Variants in IPO9 observed in about 807,000 individuals in gnomAD.
The protein encoded by IPO9 is importin 9.
A neutral mutation model predicts 128.6 loss-of-function variants in IPO9; 28 were observed. The ratio of observed to expected loss-of-function variants is 0.22; its 90% CI spans 0.16 to 0.30. IPO9 has a LOEUF of 0.30. Among genes scored for constraint, IPO9 ranks in the 10% least tolerant of loss-of-function variants. The pLI is 1.00. For missense variants in IPO9, 935 were observed against 1,293.9 expected (o/e 0.72, Z 4.26); for synonymous variants, 455 against 475.8 (o/e 0.96, Z 0.57).
intron 6 of IPO9, among the ~76,000 whole-genome samples, chr1:201,854,242 A>G (rs757483040): frequency 7.2e-5 from 11 of 152,190 alleles, no homozygotes; most frequent in Admixed American, 1.3e-4. Flanking sequence ...ACCTTATCCT[A>G]TATCCTTTTC....
Position 201,847,323 on chromosome 1 carries a change from G to T in IPO9, c.208G>T (p.Ala70Ser), listed in dbSNP as rs763999143. Residue 70 changes from alanine (A) to serine (S), a missense_variant, in exon 2 of 24, where the codon GCA (alanine) becomes TCA (serine). Physicochemically the swap from Ala to Ser is moderately conservative, Grantham distance 99. Around this residue, in one of 3 missense-constraint regions of IPO9, gnomAD observed 741 missense variants for 1,019.1 expected, o/e 0.73. Transcript: ENST00000361565. ...AGAACTGACTGTAGATCCCCAGGGG[G>T]CACTGGCAATCCGTCAGGTAAGTCC... ...LAELTVDPQG[A>S]LAIRQLASVI... 1.2e-6 allele frequency: 2 copies of T among 1,613,904 alleles called. No individual in the cohort carries two copies. The highest frequency in any genetic ancestry group is 1.7e-6 in the Non-Finnish European group (2 of 1,179,854).
At chr1:201,831,887 TG>T (rs1679840093) in intron 1 of IPO9, among the ~76,000 whole-genome samples, 2 of 124,146 alleles carry the variant, frequency 1.6e-5, no homozygotes, top group African/African-American at 7.1e-5. Context: ...TTTTTGCTTT[TG>T]TTGTTGTTGT....
At chr1:201,875,361 G>A (rs545921220) in intron 23 of IPO9, 133 bp downstream of exon 23, 209 of 784,740 alleles carry the variant, frequency 2.7e-4, no homozygotes, top group Admixed American at 1.7e-3. Context: ...AGGTCAAGGC[G>A]GGAGGATTGC....
chr1:201,837,674 A>G (rs1679963324), intron 1 of IPO9, among the ~76,000 whole-genome samples: 1 of 152,304 alleles, frequency 6.6e-6, no homozygotes, highest in Admixed American at 6.5e-5. Flanking sequence ...ATCTTGTTTT[A>G]GTTTGTCCCT....
chr1:201,859,005 G>T lies in IPO9; in HGVS notation c.1468+11G>T, dbSNP rs372341056. On this transcript the variant is annotated intron_variant, in intron 13 of 23. Transcript: ENST00000361565. ...ACCTCAACCTCTCAGGTATGTTTCA[G>T]CACGTGCCAGGATTCTAGAAACTCT... is the stretch of plus-strand genomic sequence containing the variant. The T allele has an allele frequency of 6.3e-7, 1 of 1,595,058 alleles. No individual in the cohort carries two copies. Among genetic ancestry groups the T allele is most frequent in the Non-Finnish European group, 8.6e-7 (1 of 1,164,590 alleles).
Position 201,849,519 on chromosome 1 carries a change from A to G in IPO9, c.514+925A>G, listed in dbSNP as rs142092138. ...CCACCAATATCTTATCTCTTTTTCT[A>G]TGACCTGCTAGCTTACCTGATATGT... On this transcript the variant is annotated intron_variant, in intron 4 of 23. Transcript: ENST00000361565. 3.5e-4 allele frequency among the ~76,000 whole-genome samples: 53 copies of G among 152,282 alleles called. No individual in the cohort carries two copies. In the East Asian group the frequency reaches 8.9e-3, roughly 25 times the overall value.
At chr1:201,857,442 G>A (rs540031763) in intron 11 of IPO9, among the ~76,000 whole-genome samples, 40 of 152,260 alleles carry the variant, frequency 2.6e-4, no homozygotes, top group Admixed American at 5.2e-4. Context: ...GCCGGGGTGC[G>A]GGGGAGAATT....
At chr1:201,863,756 A>G (rs1680499704) in intron 14 of IPO9, 149 bp downstream of exon 14, 2 of 654,946 alleles carry the variant, frequency 3.1e-6, no homozygotes, top group South Asian at 4.1e-5. Context: ...GAAAGAAACC[A>G]TGCTAGAGAC....
chr1:201,872,639 A>G, intron 19 of IPO9, among the ~76,000 whole-genome samples, 189 bp from the exon 20 acceptor site: 1 of 152,082 alleles, frequency 6.6e-6, no homozygotes, highest in East Asian at 1.9e-4. Context: ...ACAAAAAAGC[A>G]CAGATCTCAT....
rs556056628 is a variant in IPO9, at chr1:201,833,892, C to T, written c.163+4520C>T. Among the ~76,000 whole-genome samples, 37 of 152,210 alleles carry T rather than the reference C, an allele frequency of 2.4e-4. No individual in the cohort carries two copies. In the East Asian group the frequency reaches 3.5e-3, roughly 14 times the overall value. On this transcript the variant is annotated intron_variant, in intron 1 of 23. Coordinates refer to ENST00000361565, the MANE Select transcript of IPO9 (RefSeq NM_018085.5). ...CTTCTAACTCCTGGGCTTACGCAGT[C>T]CTCCCAACCTCAGCCTCCCAAGTGG...
chr1:201,849,047 T>C (rs1243269678), intron 4 of IPO9, among the ~76,000 whole-genome samples: 1 of 152,238 alleles, frequency 6.6e-6, no homozygotes, highest in Non-Finnish European at 1.5e-5. Context: ...TACTATATAT[T>C]ATTTGTCCAC....
In IPO9 at chr1:201,876,178, C is replaced by G; in HGVS notation, c.*124C>G. On this transcript the variant is annotated 3_prime_UTR_variant, in exon 24 of 24. Coordinates refer to ENST00000361565, the MANE Select transcript of IPO9 (RefSeq NM_018085.5). ...GGCATCTTGACCCTTGGCCCTTGGC[C>G]TCGGCAGTGACACTGATGACAATTC... is the stretch of plus-strand genomic sequence containing the variant. 1 of 781,372 alleles carries G rather than the reference C, an allele frequency of 1.3e-6. No homozygotes were observed. The highest frequency in any genetic ancestry group is 2.4e-6 in the Non-Finnish European group (1 of 425,242). The allele number at this position is 781,372 out of a possible 1,614,324, so 48.4% of individuals were successfully genotyped here. A position where few individuals can be genotyped will look rare whatever the true frequency, so the allele number is the denominator to read the frequency against.
At chr1:201,849,269 C>G (rs1326307511) in intron 4 of IPO9, among the ~76,000 whole-genome samples, 2 of 152,174 alleles carry the variant, frequency 1.3e-5, no homozygotes, top group Non-Finnish European at 2.9e-5. Flanking sequence ...GATATCTCTT[C>G]TAAACCTGAT....
intron 1 of IPO9, among the ~76,000 whole-genome samples, chr1:201,838,494 T>G (rs1225741547): frequency 3.9e-5 from 6 of 152,206 alleles, no homozygotes; most frequent in Non-Finnish European, 7.3e-5. Context: ...ACAAATGGGT[T>G]TTATAGATTT....
At position 201,882,722 on chromosome 1, in the gene IPO9, T is replaced by G. The variant is rs530607716; in HGVS notation, c.*6668T>G. 2.0e-5 allele frequency: 3 copies of G among 152,346 alleles called. No homozygotes were observed. In the East Asian group the frequency reaches 5.8e-4, roughly 29 times the overall value. The allele number at this position is 152,346 out of a possible 1,614,324, so 9.4% of individuals were successfully genotyped here. A position where few individuals can be genotyped will look rare whatever the true frequency, so the allele number is the denominator to read the frequency against. On this transcript the variant is annotated 3_prime_UTR_variant, in exon 24 of 24. Transcript: ENST00000361565. ...CCTAGAAGTCCCTCCCAGGCTTGAG[T>G]TGTTCTGACTTGGCATGATTACATA...
At chr1:201,855,375 G>T (rs1680312923) in intron 9 of IPO9, among the ~76,000 whole-genome samples, 193 bp downstream of exon 9, 1 of 152,170 alleles carries the variant, frequency 6.6e-6, no homozygotes, top group Admixed American at 6.5e-5. Flanking sequence ...ATAGGTAGTT[G>T]CATAAATCTC....
chr1:201,880,701 G>A lies in IPO9; in HGVS notation c.*4647G>A, dbSNP rs1291182257. ...GGAGGGCTTTGGCCCTTTCCCTCAA[G>A]GAGCTAGTCTAGTAGGGGGTCAGAA... is the stretch of plus-strand genomic sequence containing the variant. On this transcript the variant is annotated 3_prime_UTR_variant, in exon 24 of 24. Coordinates refer to ENST00000361565, the MANE Select transcript of IPO9 (RefSeq NM_018085.5). 1 of 152,220 alleles carries A rather than the reference G, an allele frequency of 6.6e-6. No homozygotes were observed. The highest frequency in any genetic ancestry group is 1.5e-5 in the Non-Finnish European group (1 of 68,036). The allele number at this position is 152,220 out of a possible 1,614,324, so 9.4% of individuals were successfully genotyped here.
chr1:201,874,460 C>T, intron 21 of IPO9, 88 bp downstream of exon 21: 1 of 1,476,584 alleles, frequency 6.8e-7, no homozygotes, highest in East Asian at 2.3e-5. Flanking sequence ...TGTTGAGTCA[C>T]TAATTGAAAA....
chr1:201,837,930 C>T (rs1215875007), intron 1 of IPO9, among the ~76,000 whole-genome samples: 3 of 152,184 alleles, frequency 2.0e-5, no homozygotes, highest in South Asian at 2.1e-4. Context: ...ATTAGCTGGG[C>T]GTGGTGGCAC....
Sources: allele counts gnomAD v4.1 joint callset (sites outside exome capture counted in the v4.1 genomes callset), GRCh38; gene constraint gnomAD v4.1.1; regional missense constraint gnomAD v4.1.1; transcripts MANE v1.5; gene names NCBI Gene and HGNC (gene_info 2026-07-23, HGNC 2026-07-21).